Variants in AZIN2 observed in about 807,000 individuals in gnomAD.
AZIN2 encodes the protein antizyme inhibitor 2.
AZIN2 carries 28 observed loss-of-function variants against 47.8 expected under a neutral mutation model. The observed-to-expected ratio is 0.59, with a 90% CI of 0.43 to 0.80. The LOEUF (loss-of-function observed/expected upper bound fraction) is 0.80, where lower values mean the gene tolerates loss of function less well. Among genes scored for constraint, AZIN2 ranks in the 30% least tolerant of loss-of-function variants. The pLI, the probability that AZIN2 is intolerant of heterozygous loss-of-function variation, is 0.00. For missense variants in AZIN2, 535 were observed against 582.5 expected (o/e 0.92, Z 0.84); for synonymous variants, 221 against 239.4 (o/e 0.92, Z 0.71).
the AZIN2 span, among the ~76,000 whole-genome samples, chr1:33,137,569 C>T: frequency 6.6e-6 from 1 of 152,088 alleles, no homozygotes; most frequent in African/African-American, 2.4e-5. Flanking sequence ...TATATTTCCC[C>T]TTGTATAATT....
chr1:33,084,882 G>A (rs1038897705), intron 5 of AZIN2, among the ~76,000 whole-genome samples: 1 of 152,114 alleles, frequency 6.6e-6, no homozygotes, highest in African/African-American at 2.4e-5. Flanking sequence ...TTACAGCCGT[G>A]AGCCACCGCG....
At chr1:33,138,077 G>T in the AZIN2 span, among the ~76,000 whole-genome samples, 1 of 152,206 alleles carries the variant, frequency 6.6e-6, no homozygotes, top group Admixed American at 6.5e-5. Flanking sequence ...CTCAGGGGAG[G>T]TGGAGGAGGC....
chr1:33,136,116 TTCCTTCC>T, the AZIN2 span, among the ~76,000 whole-genome samples: 10 of 30,732 alleles, frequency 3.3e-4, no homozygotes, highest in African/African-American at 6.3e-4. Flanking sequence ...GGGCCAGCCC[TTCCTTCC>T]TTCCTTCCTT....
the AZIN2 span, among the ~76,000 whole-genome samples, chr1:33,133,682 G>A: frequency 1.3e-5 from 2 of 152,218 alleles, no homozygotes; most frequent in African/African-American, 4.8e-5. Context: ...GGGGTGTTAG[G>A]GCAAGGGCAG....
chr1:33,137,719 T>G, the AZIN2 span, among the ~76,000 whole-genome samples: 1 of 152,132 alleles, frequency 6.6e-6, no homozygotes, highest in South Asian at 2.1e-4. Context: ...CAGAAAACTT[T>G]CAAGTGGCTC....
In AZIN2 at chr1:33,120,085, ATGACGTGGAGGG is replaced by A; in HGVS notation, c.1289_1300del (p.Asp430_Gly433del). ...CAGCTGATGGCTGCAGAACAGGAGG[ATGACGTGGAGGG>A]TGTGTGCAAGCCTCTGTCCTGCGGC... On this transcript the variant is annotated inframe_deletion, in exon 12 of 12. Coordinates refer to ENST00000294517, the MANE Select transcript of AZIN2 (RefSeq NM_052998.4). 6.2e-7 allele frequency: 1 copy of A among 1,614,030 alleles called. No homozygotes were observed. Among genetic ancestry groups the A allele is most frequent in the Non-Finnish European group, 8.5e-7 (1 of 1,179,968 alleles).
intron 7 of AZIN2, among the ~76,000 whole-genome samples, chr1:33,094,188 T>TG (rs1642887889): frequency 6.6e-6 from 1 of 152,236 alleles, no homozygotes; most frequent in Non-Finnish European, 1.5e-5. Flanking sequence ...TTGTGTGGTG[T>TG]GGGTCTTGTC....
Position 33,120,327 on chromosome 1 carries a change from C to T in AZIN2, c.*145C>T. 4 of 1,127,632 alleles carry T rather than the reference C, an allele frequency of 3.5e-6. No individual in the cohort carries two copies. The highest frequency in any genetic ancestry group is 3.1e-5 in the South Asian group (2 of 64,892). The allele number at this position is 1,127,632 out of a possible 1,614,324, so 69.9% of individuals were successfully genotyped here. On this transcript the variant is annotated 3_prime_UTR_variant, in exon 12 of 12. Coordinates refer to ENST00000294517, the MANE Select transcript of AZIN2 (RefSeq NM_052998.4). ...CCGCGCTCCACCTGCAGTGTTTCTG[C>T]CCTGTAAATAGGACCAGTCTTACAC...
chr1:33,105,020 C>A (rs1557705370), intron 10 of AZIN2, among the ~76,000 whole-genome samples: 1 of 152,064 alleles, frequency 6.6e-6, no homozygotes, highest in African/African-American at 2.4e-5. Context: ...TCTAGTCTTG[C>A]TAAGAATAAG....
At chr1:33,137,615 G>A in the AZIN2 span, among the ~76,000 whole-genome samples, 1 of 152,248 alleles carries the variant, frequency 6.6e-6, no homozygotes, top group African/African-American at 2.4e-5. Context: ...GGGGGATCTT[G>A]CCCAACATCA....
chr1:33,124,361 C>T (rs994744913), downstream of AZIN2, among the ~76,000 whole-genome samples: 4 of 151,686 alleles, frequency 2.6e-5, no homozygotes, highest in East Asian at 1.9e-4. This position sits in a 1 kb window ranked among gnomAD's most constrained non-coding sequence, Gnocchi z 4.6. Context: ...AGAAGAAGCA[C>T]GTCAGGATCT....
At chr1:33,128,867 G>C in the AZIN2 span, among the ~76,000 whole-genome samples, 3 of 152,226 alleles carry the variant, frequency 2.0e-5, no homozygotes, top group Non-Finnish European at 4.4e-5. Flanking sequence ...GATCTTTTCA[G>C]ATATCCAAGT....
chr1:33,085,639 T>C (rs1169611113), intron 5 of AZIN2, among the ~76,000 whole-genome samples: 1 of 151,930 alleles, frequency 6.6e-6, no homozygotes, highest in African/African-American at 2.4e-5. Flanking sequence ...CGACTCCAGG[T>C]TGGGGAGAGG....
intron 10 of AZIN2, among the ~76,000 whole-genome samples, chr1:33,103,867 T>A (rs1230591761): frequency 6.6e-6 from 1 of 152,034 alleles, no homozygotes; most frequent in Non-Finnish European, 1.5e-5. Context: ...GTTCAGTATA[T>A]GTTGGAATTA....
the AZIN2 span, chr1:33,164,575 G>A: frequency 6.6e-6 from 1 of 152,372 alleles, no homozygotes; most frequent in Non-Finnish European, 1.5e-5. Flanking sequence ...TCTCAAGTCA[G>A]TGGAAAAGTC....
At chr1:33,152,425 C>T in the AZIN2 span, among the ~76,000 whole-genome samples, 794 of 152,136 alleles carry the variant, frequency 5.2e-3, 2 homozygotes, top group Non-Finnish European at 6.0e-3. Context: ...AAATTAGCGG[C>T]GCATGGTGGC....
chr1:33,100,048 G>C (rs545512473), intron 10 of AZIN2, among the ~76,000 whole-genome samples: 3 of 152,108 alleles, frequency 2.0e-5, no homozygotes, highest in African/African-American at 7.2e-5. Context: ...GAGGCCAGGC[G>C]TGGTGGCTCA....
chr1:33,128,092 G>A (rs1335240978), downstream of AZIN2, among the ~76,000 whole-genome samples: 1 of 151,714 alleles, frequency 6.6e-6, no homozygotes, highest in African/African-American at 2.4e-5. Flanking sequence ...GGTTGGGCAC[G>A]GTAGCTCACA....
intron 10 of AZIN2, among the ~76,000 whole-genome samples, chr1:33,114,254 G>T (rs889486895): frequency 6.6e-6 from 1 of 150,826 alleles, no homozygotes; most frequent in Non-Finnish European, 1.5e-5. Context: ...GAGTAGCTGA[G>T]ATTACAGGCG....
Sources: gnomAD v4.1 joint callset for allele counts (sites outside exome capture counted in the v4.1 genomes callset) on GRCh38, gnomAD v4.1.1 for gene constraint, Gnocchi (gnomAD v3.1) non-coding constraint, MANE v1.5 for transcripts, NCBI Gene and HGNC (gene_info 2026-07-23, HGNC 2026-07-21) for gene names.